Variants in ARHGAP31 observed in about 807,000 individuals in gnomAD.
ARHGAP31 encodes rho GTPase-activating protein 31.
A neutral mutation model predicts 113.9 loss-of-function variants in ARHGAP31; 34 were observed. The observed-to-expected ratio is 0.30, with a 90% CI of 0.23 to 0.40. The LOEUF is 0.40. ARHGAP31 is among the 10% of genes least tolerant of loss of function. The probability of loss-of-function intolerance (pLI) is 1.00; values close to 1 mark genes in which losing one functional copy is unlikely to be tolerated. For synonymous variants in ARHGAP31, 650 were observed against 684.8 expected, an observed-to-expected ratio of 0.95 and a Z score of 0.79; for missense variants, 1,548 against 1,767.1, an observed-to-expected ratio of 0.88 and a Z score of 2.22.
chr3:119,353,003 T>C (rs1013127713), intron 1 of ARHGAP31, among the ~76,000 whole-genome samples: 2 of 152,238 alleles, frequency 1.3e-5, no homozygotes, highest in Admixed American at 6.5e-5. Flanking sequence ...TAAGTACTTA[T>C]TATATGCTAG....
chr3:119,308,545 A>G (rs796084396), intron 1 of ARHGAP31, among the ~76,000 whole-genome samples: 19 of 152,252 alleles, frequency 1.2e-4, no homozygotes, highest in African/African-American at 4.3e-4. Flanking sequence ...GTCTTTCTCT[A>G]CCCACAGCTG....
At chr3:119,378,898 T>C (rs991010668) in intron 3 of ARHGAP31, among the ~76,000 whole-genome samples, 1 of 152,212 alleles carries the variant, frequency 6.6e-6, no homozygotes, top group African/African-American at 2.4e-5. Flanking sequence ...GCAGTGATCT[T>C]GCTTAGGCTG....
rs1363912782 is a variant in ARHGAP31 at position 119,332,631 on chromosome 3, TCTCTCACA to T, written c.101-32683_101-32676del. On this transcript the variant is annotated intron_variant, in intron 1 of 11. Transcript: ENST00000264245. Reference sequence around the variant, plus strand: ...CTCTCTCTCTCTCTCTCTCTCTCTCTCTCTCACACACACACACACACACACACACACAC... The same window carrying T: ...CTCTCTCTCTCTCTCTCTCTCTCTCTCACACACACACACACACACACACAC... 1.4e-3 allele frequency among the ~76,000 whole-genome samples: 160 copies of T among 115,326 alleles called. 1 individual carries two copies. The highest frequency in any genetic ancestry group is 0.011 in the East Asian group (44 of 4,052). 75.7% of individuals were successfully genotyped at this position (115,326 alleles called of 152,430 possible). A position where few individuals can be genotyped will look rare whatever the true frequency, so the allele number is the denominator to read the frequency against.
chr3:119,341,037 C>T (rs961401992), intron 1 of ARHGAP31, among the ~76,000 whole-genome samples: 5 of 152,008 alleles, frequency 3.3e-5, no homozygotes, highest in Non-Finnish European at 5.9e-5. Flanking sequence ...TCTCACCCAG[C>T]GGAGCCTGTA....
Position 119,420,072 on chromosome 3 carries a change from T to C in ARHGAP31, c.*3808T>C, listed in dbSNP as rs758122495. ...AGTGTTTGGCATATGATAATCACAT[T>C]TGGCTAAAATTGGATGGGACAGTCA... On this transcript the variant is annotated 3_prime_UTR_variant, in exon 12 of 12. Transcript: ENST00000264245. 3 of 152,216 alleles carry C rather than the reference T, an allele frequency of 2.0e-5. No individual in the cohort carries two copies. The highest frequency in any genetic ancestry group is 4.4e-5 in the Non-Finnish European group (3 of 68,040). The allele number at this position is 152,216 out of a possible 1,614,324, so 9.4% of individuals were successfully genotyped here. A position where few individuals can be genotyped will look rare whatever the true frequency, so the allele number is the denominator to read the frequency against.
intron 1 of ARHGAP31, among the ~76,000 whole-genome samples, chr3:119,323,142 G>C (rs1576993627): frequency 6.6e-6 from 1 of 152,152 alleles, no homozygotes; most frequent in Non-Finnish European, 1.5e-5. Context: ...ATCCCCTTTC[G>C]GCGCTGGGGA....
intron 3 of ARHGAP31, 102 bp downstream of exon 3, chr3:119,368,618 T>A: frequency 7.0e-7 from 1 of 1,429,786 alleles, no homozygotes; most frequent in Non-Finnish European, 9.7e-7. Context: ...ACCAGATGGT[T>A]GACATTATCT....
In ARHGAP31 at chr3:119,345,446, A is replaced by G. The variant is rs377098230; in HGVS notation, c.101-19870A>G. On this transcript the variant is annotated intron_variant, in intron 1 of 11. Coordinates refer to ENST00000264245, the MANE Select transcript of ARHGAP31 (RefSeq NM_020754.4). ...GGCATGCCTGGTCTCAGTGGTAGAAAGTGGCAGTGGGAGGCTTTGAACCGA... is the reference window on the plus strand; with the variant it reads ...GGCATGCCTGGTCTCAGTGGTAGAAGGTGGCAGTGGGAGGCTTTGAACCGA... Among the ~76,000 whole-genome samples, 25 of 152,242 alleles carry G rather than the reference A, an allele frequency of 1.6e-4. No individual in the cohort carries two copies. The East Asian group carries it at 4.8e-3, about 29-fold the overall frequency.
rs371037074 is a variant in ARHGAP31, at chr3:119,386,674, G to A, written c.682+3448G>A. On this transcript the variant is annotated intron_variant, in intron 6 of 11. Transcript: ENST00000264245. ...CGGGGGACCACTACCACCAATGTGC[G>A]GAGACCAGTAGTGGCCCCAAATGTC... Among the ~76,000 whole-genome samples, 17 of 152,310 alleles carry A rather than the reference G, an allele frequency of 1.1e-4. 1 individual carries two copies. In the East Asian group the frequency reaches 2.9e-3, roughly 26 times the overall value.
intron 7 of ARHGAP31, among the ~76,000 whole-genome samples, chr3:119,391,939 GTC>G (rs2080508732): frequency 6.6e-6 from 1 of 152,010 alleles, no homozygotes; most frequent in African/African-American, 2.4e-5. Flanking sequence ...TGGAGAATAA[GTC>G]TCATTTCTCC....
chr3:119,364,416 G>A (rs181746284), intron 1 of ARHGAP31, among the ~76,000 whole-genome samples: 1 of 152,152 alleles, frequency 6.6e-6, no homozygotes, highest in African/African-American at 2.4e-5. Flanking sequence ...CTAAAAAAAT[G>A]GAATTGTAAG....
rs2080779375 is a variant in ARHGAP31, at chr3:119,416,353, A to G, written c.*89A>G. The G allele has an allele frequency of 2.0e-5, 31 of 1,586,002 alleles. No homozygotes were observed. The highest frequency in any genetic ancestry group is 2.7e-5 in the Non-Finnish European group (31 of 1,169,264). ...GCTTGCCATATTCCAGGCACACGTTATCAAGTTTGGGCCTATTGTGGCCTC... is the reference window on the plus strand; with the variant it reads ...GCTTGCCATATTCCAGGCACACGTTGTCAAGTTTGGGCCTATTGTGGCCTC... On this transcript the variant is annotated 3_prime_UTR_variant, in exon 12 of 12. Transcript: ENST00000264245.
intron 4 of ARHGAP31, 82 bp from the exon 5 acceptor site, chr3:119,382,210 C>A (rs2080406910): frequency 1.5e-6 from 2 of 1,297,426 alleles, no homozygotes; most frequent in East Asian, 2.3e-5. Flanking sequence ...CTCTTAAATC[C>A]AAACTTAGAA....
chr3:119,371,770 A>T (rs150792315), intron 3 of ARHGAP31, among the ~76,000 whole-genome samples: 14 of 152,206 alleles, frequency 9.2e-5, no homozygotes, highest in Non-Finnish European at 1.8e-4. Context: ...CCTACTCCCA[A>T]TCAAGTAGTC....
chr3:119,386,752 G>C (rs952522969), intron 6 of ARHGAP31, among the ~76,000 whole-genome samples: 3 of 152,352 alleles, frequency 2.0e-5, no homozygotes, highest in Middle Eastern at 3.4e-3. Flanking sequence ...GGTAAAGAAT[G>C]TGAGTCACCT....
At chr3:119,413,494 A>T (rs775575701) in intron 11 of ARHGAP31, among the ~76,000 whole-genome samples, 3 of 152,160 alleles carry the variant, frequency 2.0e-5, no homozygotes, top group Non-Finnish European at 4.4e-5. Context: ...GCAACAGTGC[A>T]TACAGATTAG....
rs757321886 is a variant in ARHGAP31 at position 119,416,848 on chromosome 3, C to T, written c.*584C>T. 3.0e-5 allele frequency: 5 copies of T among 165,350 alleles called. No individual in the cohort carries two copies. Among genetic ancestry groups the T allele is most frequent in the Non-Finnish European group, 5.3e-5 (4 of 75,958 alleles). The allele number at this position is 165,350 out of a possible 1,614,324, so 10.2% of individuals were successfully genotyped here. On this transcript the variant is annotated 3_prime_UTR_variant, in exon 12 of 12. Coordinates refer to ENST00000264245, the MANE Select transcript of ARHGAP31 (RefSeq NM_020754.4). ...ATATCCAAGTGGGTGAGCTTAGCCA[C>T]TCTTACCCATGCTCTTTCCCTGGAA...
In ARHGAP31 at chr3:119,368,820, G is replaced by T. The variant is rs569474354; in HGVS notation, c.348+304G>T. On this transcript the variant is annotated intron_variant, in intron 3 of 11. Coordinates refer to ENST00000264245, the MANE Select transcript of ARHGAP31 (RefSeq NM_020754.4). ...AAACTGAGAACCCCAGAAGTAAAGT[G>T]TCTGGCCCAAGGTCACACAGCAGAG... is the stretch of plus-strand genomic sequence containing the variant. Among the ~76,000 whole-genome samples, 3 of 152,312 alleles carry T rather than the reference G, an allele frequency of 2.0e-5. No individual in the cohort carries two copies. The South Asian group carries it at 6.2e-4, about 32-fold the overall frequency.
Position 119,390,929 on chromosome 3 carries a change from T to C in ARHGAP31, c.827T>C (p.Ile276Thr), listed in dbSNP as rs761245386. Reference protein sequence around the residue: ...KERRENSLPEIVPPMGTLFHT... With the variant: ...KERRENSLPETVPPMGTLFHT... Reference sequence around the variant, plus strand: ...AGGAGGGAGAACAGCCTGCCTGAGATTGTCCCTCCCATGGGCACCCTCTTC... The same window carrying C: ...AGGAGGGAGAACAGCCTGCCTGAGACTGTCCCTCCCATGGGCACCCTCTTC... The change falls in exon 7 of 12, where the codon ATT becomes ACT. Residue 276 changes from isoleucine (I) to threonine (T), a missense_variant. By Grantham distance (89) the Ile-to-Thr change is moderately conservative. Coordinates refer to ENST00000264245, the MANE Select transcript of ARHGAP31 (RefSeq NM_020754.4). The C allele has an allele frequency of 6.2e-7, 1 of 1,614,138 alleles. No individual in the cohort carries two copies. Among genetic ancestry groups the C allele is most frequent in the East Asian group, 2.2e-5 (1 of 44,886 alleles).
Sources: allele counts gnomAD v4.1 joint callset (sites outside exome capture counted in the v4.1 genomes callset), GRCh38; gene constraint gnomAD v4.1.1; transcripts MANE v1.5; gene names NCBI Gene and HGNC (gene_info 2026-07-23, HGNC 2026-07-21).